The following GPATCH2L variants were observed in gnomAD, a reference collection of about 807,000 sequenced individuals.
GPATCH2L encodes G patch domain-containing protein 2-like.
In GPATCH2L, 31 loss-of-function variants were observed where a neutral mutation model predicts 57.4. That is an observed-to-expected ratio of 0.54 (90% CI 0.41 to 0.73). The LOEUF (loss-of-function observed/expected upper bound fraction) is 0.73, where lower values mean the gene tolerates loss of function less well. Among genes scored for constraint, GPATCH2L ranks in the 30% least tolerant of loss-of-function variants. GPATCH2L has a pLI of 0.00. For missense variants in GPATCH2L, 481 were observed against 599.9 expected, an observed-to-expected ratio of 0.80 and a Z score of 2.07; for synonymous variants, 199 against 210.7, an observed-to-expected ratio of 0.94 and a Z score of 0.48.
chr14:76,231,751 C>A (rs963799487), intron 2 of GPATCH2L, among the ~76,000 whole-genome samples: 2 of 151,902 alleles, frequency 1.3e-5, no homozygotes, highest in Admixed American at 1.3e-4. Flanking sequence ...TATAATATTA[C>A]CACTCCCAAA....
At chr14:76,197,220 G>T (rs1169800870) in intron 9 of GPATCH2L, among the ~76,000 whole-genome samples, 1 of 152,148 alleles carries the variant, frequency 6.6e-6, no homozygotes. Context: ...ACAAGATCAA[G>T]TCTAGACTAT....
chr14:76,175,801 A>T (rs932791449), intron 5 of GPATCH2L: 1 of 152,170 alleles, frequency 6.6e-6, no homozygotes, highest in Non-Finnish European at 1.5e-5. Flanking sequence ...AATGTGTTTG[A>T]AGAACAGCCT....
intron 8 of GPATCH2L, among the ~76,000 whole-genome samples, chr14:76,190,905 A>G (rs183059097): frequency 1.1e-4 from 16 of 152,280 alleles, no homozygotes; most frequent in Non-Finnish European, 2.1e-4. Context: ...ACTCCAGTTG[A>G]GAATGAAGTT....
At chr14:76,170,245 G>A (rs543986714) in intron 3 of GPATCH2L, among the ~76,000 whole-genome samples, 1 of 152,330 alleles carries the variant, frequency 6.6e-6, no homozygotes, top group South Asian at 2.1e-4. Flanking sequence ...TCATGGGATT[G>A]ACATTTCTGA....
intron 8 of GPATCH2L, among the ~76,000 whole-genome samples, chr14:76,181,205 C>G (rs563089219): frequency 5.3e-4 from 81 of 152,338 alleles, no homozygotes; most frequent in African/African-American, 1.9e-3. Flanking sequence ...AGCCTCCTTT[C>G]GTATAATTTT....
chr14:76,162,630 G>A (rs2038645274), intron 2 of GPATCH2L, among the ~76,000 whole-genome samples: 1 of 152,114 alleles, frequency 6.6e-6, no homozygotes, highest in African/African-American at 2.4e-5. Flanking sequence ...CTAAAGTCAG[G>A]AATAGTATTC....
Position 76,231,028 on chromosome 14 carries a change from A to G in GPATCH2L, c.*117+1075A>G, listed in dbSNP as rs192708174. On this transcript the variant is annotated intron_variant and NMD_transcript_variant, in intron 2 of 3. Transcript: ENST00000556372. ...CTTTAAAAAGCAGGAGCCATTTGTG[A>G]TGCCCTGGGCTCTTTTTGCAAGTCT... Among the ~76,000 whole-genome samples, 164 of 152,334 alleles carry G rather than the reference A, an allele frequency of 1.1e-3. 1 individual carries two copies. Among genetic ancestry groups the G allele is most frequent in the African/African-American group, 3.7e-3 (152 of 41,568 alleles).
chr14:76,176,019 A>G (rs770314648), intron 5 of GPATCH2L: 2 of 152,244 alleles, frequency 1.3e-5, no homozygotes, highest in African/African-American at 2.4e-5. Flanking sequence ...CTTTTACACT[A>G]TAATCTTGAG....
Position 76,161,575 on chromosome 14 carries a change from CTG to C in GPATCH2L, c.663-5085_663-5084del, listed in dbSNP as rs1200980124. On this transcript the variant is annotated intron_variant, in intron 2 of 9. Transcript: ENST00000261530. The stretch of plus-strand genomic sequence containing the variant: ...GCAAGCTCTCAGATCAGAGGGTGTG[CTG>C]TGCTTTTTTCCCACCCCCTGCTCCC... Among the ~76,000 whole-genome samples, 4 of 152,296 alleles carry C rather than the reference CTG, an allele frequency of 2.6e-5. No homozygotes were observed. The East Asian group carries it at 7.7e-4, about 29-fold the overall frequency.
At position 76,153,267 on chromosome 14, in the gene GPATCH2L, A is replaced by C. The variant is rs143821966; in HGVS notation, c.-10-1087A>C. Among the ~76,000 whole-genome samples, 745 of 152,380 alleles carry C rather than the reference A, an allele frequency of 4.9e-3. 3 individuals carry two copies. Among genetic ancestry groups the C allele is most frequent in the South Asian group, 0.013 (62 of 4,832 alleles). On this transcript the variant is annotated intron_variant, in intron 1 of 9. Transcript: ENST00000261530. ...TAGAATTTTAAGCTGATCTTGAAAT[A>C]CTTTGGGCATAGAGGCAAGAGAAAA...
chr14:76,197,272 T>G (rs796404583), intron 9 of GPATCH2L, among the ~76,000 whole-genome samples: 1 of 152,226 alleles, frequency 6.6e-6, no homozygotes, highest in Non-Finnish European at 1.5e-5. Context: ...GTCTATGGTA[T>G]TGGAAGCATT....
At chr14:76,218,443 A>C (rs1204038389), downstream of GPATCH2L, among the ~76,000 whole-genome samples, 2 of 152,122 alleles carry the variant, frequency 1.3e-5, no homozygotes, top group African/African-American at 4.8e-5. Context: ...AGCACAAAAC[A>C]TAAATGATAA....
intron 7 of GPATCH2L, 66 bp downstream of exon 7, chr14:76,178,108 C>T: frequency 2.2e-6 from 3 of 1,357,448 alleles, no homozygotes; most frequent in Non-Finnish European, 3.1e-6. Context: ...GTATCCAACA[C>T]TTACTGGTAA....
At chr14:76,222,980 A>G (rs967021148) in intron 1 of GPATCH2L, among the ~76,000 whole-genome samples, 4 of 152,030 alleles carry the variant, frequency 2.6e-5, no homozygotes, top group Non-Finnish European at 5.9e-5. Context: ...AAGAAAGAAA[A>G]AAAAGTTGAA....
rs1445397383 is a variant in GPATCH2L at position 76,213,955 on chromosome 14, C to A, written c.*12104C>A. On this transcript the variant is annotated 3_prime_UTR_variant, in exon 10 of 10. Coordinates refer to ENST00000261530, the MANE Select transcript of GPATCH2L (RefSeq NM_017926.4). ...TTTCTGGGTTTTCTGTTCCACTGGT[C>A]TACTTGTGCATGGTACCACACTGTT... 1 of 152,136 alleles carries A rather than the reference C, an allele frequency of 6.6e-6. No individual in the cohort carries two copies. Among genetic ancestry groups the A allele is most frequent in the Non-Finnish European group, 1.5e-5 (1 of 68,030 alleles). The allele number at this position is 152,136 out of a possible 1,614,324, so 9.4% of individuals were successfully genotyped here. A position where few individuals can be genotyped will look rare whatever the true frequency, so the allele number is the denominator to read the frequency against.
chr14:76,178,207 G>A (rs1186781867), intron 7 of GPATCH2L, 165 bp downstream of exon 7: 2 of 1,487,714 alleles, frequency 1.3e-6, no homozygotes, highest in East Asian at 5.0e-5. Context: ...TTTTATTTTA[G>A]TTTTGAACTT....
intron 1 of GPATCH2L, among the ~76,000 whole-genome samples, chr14:76,221,780 G>A (rs1338446822): frequency 6.6e-6 from 1 of 152,118 alleles, no homozygotes; most frequent in Admixed American, 6.6e-5. Flanking sequence ...AAAATTATGG[G>A]GACAGTAAAA....
chr14:76,180,126 G>T (rs1265973507), intron 7 of GPATCH2L: 2 of 152,272 alleles, frequency 1.3e-5, no homozygotes, highest in African/African-American at 4.8e-5. Flanking sequence ...AACTCGGGAG[G>T]TGGAGGTTGC....
At chr14:76,178,177 A>T in intron 7 of GPATCH2L, 135 bp downstream of exon 7, 1 of 1,358,748 alleles carries the variant, frequency 7.4e-7, no homozygotes. Flanking sequence ...CTTGTAGCAT[A>T]TATTTCATAG....
Sources: gnomAD v4.1 joint callset for allele counts (sites outside exome capture counted in the v4.1 genomes callset) on GRCh38, gnomAD v4.1.1 for gene constraint, MANE v1.5 for transcripts, NCBI Gene and HGNC (gene_info 2026-07-23, HGNC 2026-07-21) for gene names.